The following TASP1 variants were observed in gnomAD, a reference collection of about 807,000 sequenced individuals.
TASP1 encodes threonine aspartase 1.
A neutral mutation model predicts 56.6 loss-of-function variants in TASP1; 16 were observed. That is an observed-to-expected ratio of 0.28 (90% CI 0.19 to 0.43). The LOEUF (loss-of-function observed/expected upper bound fraction) is 0.43. TASP1 is among the 20% of genes least tolerant of loss of function. The probability of loss-of-function intolerance (pLI) is 1.00; values close to 1 mark genes in which losing one functional copy is unlikely to be tolerated. For missense variants in TASP1, 393 were observed against 511.6 expected (o/e 0.77, Z 2.24); for synonymous variants, 179 against 184.2 (o/e 0.97, Z 0.23).
chr20:13,319,764 G>A, the TASP1 span, among the ~76,000 whole-genome samples: 4 of 152,230 alleles, frequency 2.6e-5, no homozygotes, highest in Non-Finnish European at 4.4e-5. Flanking sequence ...TCTAGAGGGT[G>A]AGAGAGACGT....
In TASP1 at chr20:13,390,221, C is replaced by A; in HGVS notation, c.*139G>T. The stretch of plus-strand genomic sequence containing the variant: ...TGTCACTAAGCGCTAACTACAGCAG[C>A]ACTTGTGTCTCGAGCAGTGCACGAG... On this transcript the variant is annotated 3_prime_UTR_variant, in exon 14 of 14. Coordinates refer to ENST00000337743, the MANE Select transcript of TASP1 (RefSeq NM_017714.3). 1 of 727,622 alleles carries A rather than the reference C, an allele frequency of 1.4e-6. No homozygotes were observed. Among genetic ancestry groups the A allele is most frequent in the South Asian group, 1.8e-5 (1 of 56,940 alleles). 45.1% of individuals were successfully genotyped at this position (727,622 alleles called of 1,614,324 possible).
the TASP1 span, among the ~76,000 whole-genome samples, chr20:13,350,066 G>A: frequency 8.2e-4 from 125 of 152,304 alleles, no homozygotes; most frequent in African/African-American, 2.8e-3. Context: ...CCAGGAGGCT[G>A]AGGCTGCAGT....
At chr20:13,162,109 A>G in the TASP1 span, among the ~76,000 whole-genome samples, 1 of 152,228 alleles carries the variant, frequency 6.6e-6, no homozygotes, top group East Asian at 1.9e-4. Context: ...GACAGGCAAA[A>G]CTTTCAAGAA....
chr20:13,180,082 T>C, the TASP1 span, among the ~76,000 whole-genome samples: 1 of 152,112 alleles, frequency 6.6e-6, no homozygotes, highest in Non-Finnish European at 1.5e-5. Context: ...ATTCTAGGGG[T>C]CAACAGTCAT....
At chr20:13,434,271 T>C (rs573133605) in intron 12 of TASP1, among the ~76,000 whole-genome samples, 1 of 152,168 alleles carries the variant, frequency 6.6e-6, no homozygotes, top group Non-Finnish European at 1.5e-5. Context: ...AAGTTAACTT[T>C]AAAAAAATAA....
At chr20:13,311,754 G>C in the TASP1 span, among the ~76,000 whole-genome samples, 1 of 152,312 alleles carries the variant, frequency 6.6e-6, no homozygotes, top group Middle Eastern at 3.4e-3. Flanking sequence ...TACCAGCAGA[G>C]AGTAGAATGG....
chr20:13,374,889 T>C, the TASP1 span, among the ~76,000 whole-genome samples: 1 of 152,294 alleles, frequency 6.6e-6, no homozygotes, highest in African/African-American at 2.4e-5. Context: ...TAAAATAATT[T>C]TAGCAGTTTT....
At chr20:13,374,906 T>G in the TASP1 span, among the ~76,000 whole-genome samples, 2 of 152,162 alleles carry the variant, frequency 1.3e-5, no homozygotes, top group African/African-American at 4.8e-5. Context: ...TTTTCTTTGA[T>G]TGTCTCTTTC....
chr20:13,291,889 C>T, the TASP1 span, among the ~76,000 whole-genome samples: 1 of 152,302 alleles, frequency 6.6e-6, no homozygotes, highest in East Asian at 1.9e-4. Context: ...ATTATTTCAA[C>T]TCTAGGAGGT....
At chr20:13,481,321 T>C (rs2043134747) in intron 11 of TASP1, among the ~76,000 whole-genome samples, 1 of 152,106 alleles carries the variant, frequency 6.6e-6, no homozygotes, top group Non-Finnish European at 1.5e-5. Flanking sequence ...TATTCATTCA[T>C]CTGCTGGACA....
At chr20:13,346,108 A>G in the TASP1 span, among the ~76,000 whole-genome samples, 1 of 152,114 alleles carries the variant, frequency 6.6e-6, no homozygotes, top group Admixed American at 6.5e-5. Flanking sequence ...TTTTGGGGTC[A>G]TGTTTAAGTT....
the TASP1 span, among the ~76,000 whole-genome samples, chr20:13,312,074 T>C: frequency 6.6e-6 from 1 of 152,208 alleles, no homozygotes. Context: ...TTAATTAACT[T>C]TTTTAAAAGA....
intron 1 of TASP1, among the ~76,000 whole-genome samples, chr20:13,635,575 A>G: frequency 6.6e-6 from 1 of 151,902 alleles, no homozygotes; most frequent in East Asian, 1.9e-4. Flanking sequence ...TTTAGTAGAG[A>G]CAGGAATTCA....
chr20:13,541,569 C>A (rs2045623559), intron 8 of TASP1, among the ~76,000 whole-genome samples: 1 of 152,022 alleles, frequency 6.6e-6, no homozygotes, highest in African/African-American at 2.4e-5. Flanking sequence ...ATCTCATCAC[C>A]TTCTAAAATG....
chr20:13,481,412 C>T (rs1358822819), intron 11 of TASP1, among the ~76,000 whole-genome samples: 2 of 152,082 alleles, frequency 1.3e-5, no homozygotes, highest in African/African-American at 4.8e-5. Flanking sequence ...CAATATACTG[C>T]TTCCCTTCTT....
rs79053141 is a variant in TASP1, at chr20:13,417,332, C to A, written c.1170+116G>T. 4.9e-3 allele frequency: 4,562 copies of A among 925,898 alleles called. 141 individuals are homozygous for A. The African/African-American group carries it at 0.067, about 14-fold the overall frequency. 57.4% of individuals were successfully genotyped at this position (925,898 alleles called of 1,614,324 possible). ...GTTCTTATTCGGATGCTTATGAAGA[C>A]CACAAAGCTACTGCCCAAAAAAAGC... On this transcript the variant is annotated intron_variant, in intron 13 of 13. Transcript: ENST00000337743.
the TASP1 span, among the ~76,000 whole-genome samples, chr20:13,141,518 A>G: frequency 1.3e-5 from 2 of 152,212 alleles, no homozygotes; most frequent in Non-Finnish European, 1.5e-5. Flanking sequence ...CAGCCAGGAC[A>G]TGGTGTTTGC....
intron 7 of TASP1, among the ~76,000 whole-genome samples, chr20:13,560,301 C>A (rs2046303103): frequency 6.6e-6 from 1 of 152,104 alleles, no homozygotes; most frequent in South Asian, 2.1e-4. Flanking sequence ...GCATTCAAAA[C>A]CTTACAAGCA....
At chr20:13,350,081 C>A in the TASP1 span, among the ~76,000 whole-genome samples, 3 of 152,036 alleles carry the variant, frequency 2.0e-5, no homozygotes, top group South Asian at 6.2e-4. Flanking sequence ...TGCAGTGAGC[C>A]GTAATGGTGC....
Sources: gnomAD v4.1 joint callset for allele counts (sites outside exome capture counted in the v4.1 genomes callset) on GRCh38, gnomAD v4.1.1 for gene constraint, MANE v1.5 for transcripts, NCBI Gene and HGNC (gene_info 2026-07-23, HGNC 2026-07-21) for gene names.